POLR1D: variants seen among roughly 807,000 people sequenced by gnomAD.
POLR1D encodes the protein DNA-directed RNA polymerases I and III subunit RPAC2.
A neutral mutation model predicts 10.8 loss-of-function variants in POLR1D; 8 were observed. The observed-to-expected ratio is 0.74, with a 90% CI of 0.43 to 1.33. The LOEUF is 1.33. POLR1D is among the 40% of genes most tolerant of loss of function. The pLI is 0.01. For missense variants in POLR1D, 152 were observed against 161.7 expected (o/e 0.94, Z 0.32); for synonymous variants, 54 against 57.2 (o/e 0.94, Z 0.25).
chr13:27,621,617 A>G (rs1472263727), upstream of POLR1D: 3 of 165,356 alleles, frequency 1.8e-5, no homozygotes, highest in Non-Finnish European at 3.9e-5. Flanking sequence ...CCCCTTCGCC[A>G]TCACCTGGGG....
At chr13:27,662,191 C>T (rs908359201) in intron 2 of POLR1D, among the ~76,000 whole-genome samples, 22 of 151,946 alleles carry the variant, frequency 1.4e-4, no homozygotes, top group Non-Finnish European at 2.8e-4. Context: ...GCAAAAATTC[C>T]GGATGTATTA....
intron 1 of POLR1D, among the ~76,000 whole-genome samples, chr13:27,647,635 G>A (rs1031436689): frequency 6.6e-6 from 1 of 152,076 alleles, no homozygotes; most frequent in Admixed American, 6.6e-5. Context: ...TGAGTGTCCT[G>A]TGCCAAAAAT....
chr13:27,651,744 T>G (rs1052796441), intron 2 of POLR1D, among the ~76,000 whole-genome samples: 1 of 152,056 alleles, frequency 6.6e-6, no homozygotes, highest in African/African-American at 2.4e-5. Context: ...GGAGTGTGAG[T>G]GTAAAGTACC....
At chr13:27,632,300 T>G (rs1436161254) in intron 1 of POLR1D, among the ~76,000 whole-genome samples, 1 of 152,216 alleles carries the variant, frequency 6.6e-6, no homozygotes, top group Non-Finnish European at 1.5e-5. Context: ...AGGATTGTAG[T>G]TTTGAGTACC....
intron 1 of POLR1D, among the ~76,000 whole-genome samples, chr13:27,629,183 G>C (rs1956048731): frequency 6.6e-6 from 1 of 152,162 alleles, no homozygotes; most frequent in African/African-American, 2.4e-5. Flanking sequence ...TATCTTTTCA[G>C]TAAGCATAGG....
intron 1 of POLR1D, chr13:27,647,920 T>C (rs2138554908): frequency 5.9e-6 from 1 of 169,428 alleles, no homozygotes; most frequent in South Asian, 1.4e-4. Flanking sequence ...TAATATCAGC[T>C]TCAGTCCCCA....
chr13:27,643,921 T>C (rs1267977152), intron 1 of POLR1D, among the ~76,000 whole-genome samples: 1 of 152,200 alleles, frequency 6.6e-6, no homozygotes, highest in Non-Finnish European at 1.5e-5. Flanking sequence ...AAGAAGAGAG[T>C]AGTCTTATTA....
chr13:27,621,655 C>T (rs1955921024), upstream of POLR1D: 2 of 192,558 alleles, frequency 1.0e-5, no homozygotes, highest in Non-Finnish European at 2.1e-5. Flanking sequence ...GCCGGGGCGC[C>T]CGCAGGCCTG....
chr13:27,622,575 T>C (rs1021831529), intron 1 of POLR1D, among the ~76,000 whole-genome samples: 1 of 152,198 alleles, frequency 6.6e-6, no homozygotes, highest in African/African-American at 2.4e-5. Context: ...ATTCTAATCC[T>C]ATCCCTTGCT....
chr13:27,649,829 G>A (rs559802761), intron 2 of POLR1D, among the ~76,000 whole-genome samples: 46 of 152,288 alleles, frequency 3.0e-4, no homozygotes, highest in African/African-American at 1.1e-3. Flanking sequence ...AAAGGAGAGC[G>A]GAATCCTTAG....
intron 1 of POLR1D, among the ~76,000 whole-genome samples, chr13:27,629,411 G>A (rs550569162): frequency 2.0e-5 from 3 of 152,292 alleles, no homozygotes; most frequent in East Asian, 1.9e-4. Context: ...GCTTAGGACA[G>A]TACCTGAACC....
chr13:27,635,086 G>T (rs548180122), intron 1 of POLR1D, among the ~76,000 whole-genome samples: 1 of 152,236 alleles, frequency 6.6e-6, no homozygotes, highest in South Asian at 2.1e-4. Context: ...AGACAAAATT[G>T]TTGGCCTAGC....
chr13:27,655,715 T>C (rs1332580618), intron 2 of POLR1D, among the ~76,000 whole-genome samples: 1 of 152,146 alleles, frequency 6.6e-6, no homozygotes, highest in Non-Finnish European at 1.5e-5. Flanking sequence ...AGGAATGAGA[T>C]GAGAATATTG....
downstream of POLR1D, among the ~76,000 whole-genome samples, chr13:27,628,100 C>T (rs1956035809): frequency 6.6e-6 from 1 of 152,104 alleles, no homozygotes; most frequent in African/African-American, 2.4e-5. Flanking sequence ...GTGCAACCAC[C>T]CTTACCTCCT....
intron 2 of POLR1D, chr13:27,650,187 G>T: frequency 2.5e-6 from 1 of 396,788 alleles, no homozygotes; most frequent in Non-Finnish European, 4.4e-6. Context: ...TGCCAAGCAA[G>T]GAAGCTCATC....
In POLR1D at chr13:27,621,983, G is replaced by T. The variant is rs763146884; in HGVS notation, c.-1G>T. The T allele has an allele frequency of 3.8e-6, 6 of 1,592,984 alleles. No individual in the cohort carries two copies. The highest frequency in any genetic ancestry group is 2.6e-6 in the Non-Finnish European group (3 of 1,169,950). On this transcript the variant is annotated 5_prime_UTR_variant, in exon 1 of 2. Coordinates refer to ENST00000302979, the MANE Select transcript of POLR1D (RefSeq NM_015972.4). ...CTGAGGATCCAGAAACCGCCCCAGC[G>T]ATGGAAGAGGATCAGGAGCTGGAGA... is the stretch of plus-strand genomic sequence containing the variant.
In POLR1D at chr13:27,622,924, G is replaced by A; in HGVS notation, c.76G>A (p.Ala26Thr). ...TSMAEGERKT[A>T]LEMVQAAGTD... Reference sequence around the variant, plus strand: ...AATGGCTGAAGGCGAGAGGAAGACAGCCCTGGAAATGGTCCAGGCAGCTGG... The same window carrying A: ...AATGGCTGAAGGCGAGAGGAAGACAACCCTGGAAATGGTCCAGGCAGCTGG... The change falls in exon 2 of 2, where the codon GCC becomes ACC. Residue 26 changes from alanine to threonine, a missense_variant. Physicochemically the swap from Ala to Thr is moderately conservative, Grantham distance 58. Coordinates refer to ENST00000302979, the MANE Select transcript of POLR1D (RefSeq NM_015972.4). 6.2e-7 allele frequency: 1 copy of A among 1,610,832 alleles called. No homozygotes were observed. The highest frequency in any genetic ancestry group is 8.5e-7 in the Non-Finnish European group (1 of 1,176,984).
chr13:27,644,592 A>G (rs1479224877), intron 1 of POLR1D, among the ~76,000 whole-genome samples: 2 of 152,230 alleles, frequency 1.3e-5, no homozygotes, highest in Non-Finnish European at 2.9e-5. Context: ...TTAATGACTC[A>G]GCTCTCTTGG....
chr13:27,654,623 C>G (rs1438272825), intron 2 of POLR1D, among the ~76,000 whole-genome samples: 1 of 152,212 alleles, frequency 6.6e-6, no homozygotes, highest in African/African-American at 2.4e-5. Flanking sequence ...AGTACTTTTC[C>G]TTGAGGCCTC....
Sources: allele counts gnomAD v4.1 joint callset (sites outside exome capture counted in the v4.1 genomes callset), GRCh38; gene constraint gnomAD v4.1.1; transcripts MANE v1.5; gene names NCBI Gene and HGNC (gene_info 2026-07-23, HGNC 2026-07-21).